SBF2: variants seen among roughly 807,000 people sequenced by gnomAD.
The protein encoded by SBF2 is myotubularin-related protein 13.
SBF2 carries 112 observed loss-of-function variants against 225.2 expected under a neutral mutation model. The observed-to-expected ratio is 0.50, with a 90% confidence interval of 0.43 to 0.58. The LOEUF (loss-of-function observed/expected upper bound fraction) is 0.58, where lower values mean the gene tolerates loss of function less well. Among genes scored for constraint, SBF2 ranks in the 20% least tolerant of loss-of-function variants. The pLI is 0.00. For missense variants in SBF2, 1,996 were observed against 2,206.2 expected (o/e 0.90, Z 1.91); for synonymous variants, 763 against 773.3 (o/e 0.99, Z 0.22).
chr11:9,953,048 C>A (rs908754067), intron 16 of SBF2, among the ~76,000 whole-genome samples: 20 of 152,192 alleles, frequency 1.3e-4, no homozygotes, highest in Non-Finnish European at 1.5e-5. Flanking sequence ...AGAAGTCATA[C>A]CAAAAAGATT....
chr11:9,968,665 C>T, intron 13 of SBF2, 120 bp from the exon 14 acceptor site: 6 of 810,806 alleles, frequency 7.4e-6, no homozygotes, highest in South Asian at 2.8e-5. Flanking sequence ...TTCATATATA[C>T]GCCATAAAAC....
chr11:10,266,168 A>C (rs1304020149), intron 1 of SBF2, among the ~76,000 whole-genome samples: 1 of 152,196 alleles, frequency 6.6e-6, no homozygotes, highest in Non-Finnish European at 1.5e-5. Context: ...CTCTGTAGTT[A>C]AATGATTTGT....
At chr11:10,052,967 T>C (rs1950113806) in intron 2 of SBF2, among the ~76,000 whole-genome samples, 1 of 152,166 alleles carries the variant, frequency 6.6e-6, no homozygotes, top group African/African-American at 2.4e-5. Flanking sequence ...TTTTGTAACA[T>C]GTAACATTTC....
At chr11:9,971,396 G>T (rs1218269324) in intron 13 of SBF2, among the ~76,000 whole-genome samples, 4 of 151,894 alleles carry the variant, frequency 2.6e-5, no homozygotes, top group Admixed American at 2.6e-4. Context: ...GGATGCATTG[G>T]CCAGGCACAG....
At chr11:10,259,592 C>T (rs866905226) in intron 1 of SBF2, among the ~76,000 whole-genome samples, 11 of 152,254 alleles carry the variant, frequency 7.2e-5, no homozygotes, top group Admixed American at 3.3e-4. Flanking sequence ...ATCCCTCACC[C>T]TTTGTACTTT....
At chr11:10,100,248 C>T (rs936819971) in intron 2 of SBF2, among the ~76,000 whole-genome samples, 4 of 152,246 alleles carry the variant, frequency 2.6e-5, no homozygotes, top group African/African-American at 9.6e-5. Flanking sequence ...TACTCTTTCT[C>T]TACTGGAATT....
chr11:10,053,755 G>GAA (rs776284653), intron 2 of SBF2, among the ~76,000 whole-genome samples: 1 of 136,790 alleles, frequency 7.3e-6, no homozygotes, highest in Non-Finnish European at 1.6e-5. Flanking sequence ...CCTTGTCTCG[G>GAA]AAAAAAAAAA....
At chr11:10,182,164 C>T (rs1177302215) in intron 2 of SBF2, among the ~76,000 whole-genome samples, 2 of 152,072 alleles carry the variant, frequency 1.3e-5, no homozygotes, top group South Asian at 2.1e-4. Context: ...AAACATATTT[C>T]GTACAGTAAT....
At chr11:10,233,237 C>G (rs1029468339) in intron 1 of SBF2, among the ~76,000 whole-genome samples, 2 of 152,030 alleles carry the variant, frequency 1.3e-5, no homozygotes, top group East Asian at 3.9e-4. Context: ...AAGTAGTTAT[C>G]TTGTCATTTC....
At chr11:10,278,243 A>C (rs1319947756) in intron 1 of SBF2, among the ~76,000 whole-genome samples, 1 of 152,196 alleles carries the variant, frequency 6.6e-6, no homozygotes, top group Non-Finnish European at 1.5e-5. Flanking sequence ...TATAACTAAA[A>C]ACTTATGAAA....
Position 9,814,545 on chromosome 11 carries a change from T to G in SBF2, c.3979-1837A>C, listed in dbSNP as rs543455626. ...AAAATAACTTATTTGCTTGGAATTGTGACTGTAATTTTATATACAGAAGAT... is the reference window on the plus strand; with the variant it reads ...AAAATAACTTATTTGCTTGGAATTGGGACTGTAATTTTATATACAGAAGAT... On this transcript the variant is annotated intron_variant, in intron 29 of 39. Coordinates refer to ENST00000256190, the MANE Select transcript of SBF2 (RefSeq NM_030962.4). Among the ~76,000 whole-genome samples, 222 of 152,292 alleles carry G rather than the reference T, an allele frequency of 1.5e-3. 1 individual carries two copies. The highest frequency in any genetic ancestry group is 5.1e-3 in the African/African-American group (210 of 41,554).
Position 9,858,346 on chromosome 11 carries a change from G to T in SBF2, c.1980C>A (p.His660Gln), listed in dbSNP as rs1857471030. ...SQFAYTCVQD[H>Q]PIWTNQQFWE... is the part of the protein sequence containing the mutation. ...AAAATTGCTGATTTGTCCAAATGGG[G>T]TGGTCTTGTACACACGTGTAAGCAA... Residue 660 changes from histidine (H) to glutamine (Q), a missense_variant, in exon 18 of 40, where the codon CAC becomes CAA. Transcript: ENST00000256190. The T allele has an allele frequency of 2.5e-6, 4 of 1,614,182 alleles. No individual in the cohort carries two copies. Among genetic ancestry groups the T allele is most frequent in the Non-Finnish European group, 3.4e-6 (4 of 1,180,022 alleles).
At chr11:9,853,393 C>T (rs1040256464) in intron 20 of SBF2, 147 bp downstream of exon 20, 3 of 721,818 alleles carry the variant, frequency 4.2e-6, no homozygotes, top group East Asian at 5.4e-5. Flanking sequence ...ATGTATTTTA[C>T]AACAATTTAA....
chr11:9,841,391 G>A (rs558338231), intron 25 of SBF2, among the ~76,000 whole-genome samples: 2 of 152,316 alleles, frequency 1.3e-5, no homozygotes, highest in East Asian at 1.9e-4. Context: ...ACACATGACT[G>A]TGAAAAGATC....
rs367763397 is a variant in SBF2, at chr11:10,082,981, TAA to T, written c.142-40002_142-40001del. Among the ~76,000 whole-genome samples the T allele has an allele frequency of 1.2e-3, 189 of 152,216 alleles. 6 individuals are homozygous for T. In the South Asian group the frequency reaches 0.035, roughly 29 times the overall value. ...ATATGATCTTATACCTAGAAAACCC[TAA>T]AGACTCCTCCAAAAGACTCCTGTAT... is the stretch of plus-strand genomic sequence containing the variant. On this transcript the variant is annotated intron_variant, in intron 2 of 39. Transcript: ENST00000256190.
chr11:9,916,280 A>C (rs1262623559), intron 16 of SBF2, among the ~76,000 whole-genome samples: 2 of 152,214 alleles, frequency 1.3e-5, no homozygotes, highest in Admixed American at 6.5e-5. Flanking sequence ...TCTCAGTTTC[A>C]AGAAAAATAT....
intron 2 of SBF2, among the ~76,000 whole-genome samples, chr11:10,142,387 A>G (rs971423348): frequency 6.6e-6 from 1 of 152,200 alleles, no homozygotes; most frequent in Non-Finnish European, 1.5e-5. Flanking sequence ...CAACTAATTT[A>G]AAAATTGGGA....
chr11:9,892,565 AT>A (rs896169743), intron 17 of SBF2, among the ~76,000 whole-genome samples: 162 of 140,166 alleles, frequency 1.2e-3, no homozygotes, highest in African/African-American at 2.2e-3. Context: ...TATATATATA[AT>A]TTTTTTTTTT....
chr11:10,297,626 A>G (rs1224841732), upstream of SBF2, among the ~76,000 whole-genome samples: 1 of 152,178 alleles, frequency 6.6e-6, no homozygotes, highest in African/African-American at 2.4e-5. Flanking sequence ...CATTTAAATT[A>G]TTTTAATTTT....
Sources: allele counts gnomAD v4.1 joint callset (sites outside exome capture counted in the v4.1 genomes callset), GRCh38; gene constraint gnomAD v4.1.1; transcripts MANE v1.5; gene names NCBI Gene and HGNC (gene_info 2026-07-23, HGNC 2026-07-21).